Variants in ANKS1B observed in about 807,000 individuals in gnomAD.
ANKS1B encodes ankyrin repeat and sterile alpha motif domain containing 1B, also known as ankyrin repeat and sterile alpha motif domain-containing protein 1B.
ANKS1B carries 36 observed loss-of-function variants against 148.3 expected under a neutral mutation model. The ratio of observed to expected loss-of-function variants is 0.24; its 90% confidence interval spans 0.19 to 0.32. The LOEUF (loss-of-function observed/expected upper bound fraction) is 0.32. Among genes scored for constraint, ANKS1B ranks in the 10% least tolerant of loss-of-function variants. The probability of loss-of-function intolerance (pLI) is 1.00; values close to 1 mark genes in which losing one functional copy is unlikely to be tolerated. For missense variants in ANKS1B, 1,157 were observed against 1,542.6 expected (o/e 0.75, Z 4.19); for synonymous variants, 542 against 560.8 (o/e 0.97, Z 0.47).
At chr12:99,686,762 C>T (rs567435663) in intron 8 of ANKS1B, among the ~76,000 whole-genome samples, 1 of 152,136 alleles carries the variant, frequency 6.6e-6, no homozygotes, top group Non-Finnish European at 1.5e-5. Flanking sequence ...TTCATTTCCT[C>T]CTATCATTTT....
intron 17 of ANKS1B, among the ~76,000 whole-genome samples, chr12:98,936,878 AAGG>A: frequency 6.6e-6 from 1 of 152,342 alleles, no homozygotes; most frequent in East Asian, 1.9e-4. Flanking sequence ...GAATTGTGAT[AAGG>A]AGTATAACTC....
At chr12:99,638,514 G>A (rs1332575238) in intron 9 of ANKS1B, among the ~76,000 whole-genome samples, 1 of 152,180 alleles carries the variant, frequency 6.6e-6, no homozygotes, top group Admixed American at 6.5e-5. Flanking sequence ...AACTTTGAAT[G>A]TGAGAGAGAT....
intron 10 of ANKS1B, among the ~76,000 whole-genome samples, chr12:99,471,691 C>T (rs1448586994): frequency 6.6e-6 from 1 of 151,746 alleles, no homozygotes; most frequent in Admixed American, 6.6e-5. Flanking sequence ...CTTTAAAGTG[C>T]TTTGAAGTGT....
intron 14 of ANKS1B, among the ~76,000 whole-genome samples, chr12:99,161,379 A>G (rs923110674): frequency 6.6e-6 from 1 of 152,152 alleles, no homozygotes; most frequent in Non-Finnish European, 1.5e-5. Flanking sequence ...ACAATTAAAA[A>G]GTAGCCAGAG....
intron 17 of ANKS1B, among the ~76,000 whole-genome samples, chr12:98,934,489 C>A (rs1197857653): frequency 6.6e-6 from 1 of 151,890 alleles, no homozygotes; most frequent in Non-Finnish European, 1.5e-5. Flanking sequence ...AGCATTTTGT[C>A]TATTTATGTA....
chr12:99,171,747 A>G (rs2077784228), intron 14 of ANKS1B, among the ~76,000 whole-genome samples: 1 of 152,140 alleles, frequency 6.6e-6, no homozygotes, highest in African/African-American at 2.4e-5. Flanking sequence ...AAAAATAGTA[A>G]TTCCGTTGAT....
At chr12:99,379,030 G>A (rs897361393) in intron 12 of ANKS1B, among the ~76,000 whole-genome samples, 7 of 152,164 alleles carry the variant, frequency 4.6e-5, no homozygotes, top group African/African-American at 1.7e-4. Context: ...ATGGATATGT[G>A]GGAGGCACCA....
At chr12:99,291,618 A>C (rs2079995476) in intron 12 of ANKS1B, among the ~76,000 whole-genome samples, 2 of 152,172 alleles carry the variant, frequency 1.3e-5, no homozygotes, top group Admixed American at 1.3e-4. Context: ...TTTTTGACAA[A>C]AGTGCCAAGA....
intron 12 of ANKS1B, among the ~76,000 whole-genome samples, chr12:99,302,167 G>T (rs1285752126): frequency 6.6e-6 from 1 of 152,056 alleles, no homozygotes; most frequent in African/African-American, 2.4e-5. Context: ...CATATGAAAA[G>T]ATTTTTTACA....
At chr12:99,355,308 T>C (rs75348455) in intron 12 of ANKS1B, among the ~76,000 whole-genome samples, 2,582 of 152,192 alleles carry the variant, frequency 0.017, 80 homozygotes, top group African/African-American at 0.059. Context: ...TTCCTTGGCT[T>C]TGATGCTAAT....
intron 14 of ANKS1B, among the ~76,000 whole-genome samples, chr12:99,181,974 C>T (rs902975241): frequency 1.3e-5 from 2 of 152,090 alleles, no homozygotes; most frequent in African/African-American, 4.8e-5. Context: ...CTACCCTTCC[C>T]AGCTTCTGGT....
intron 1 of ANKS1B, among the ~76,000 whole-genome samples, chr12:99,831,070 G>A (rs755444402): frequency 6.6e-6 from 1 of 151,946 alleles, no homozygotes; most frequent in Admixed American, 6.6e-5. Flanking sequence ...TATGCTTACT[G>A]TCTGTCTCCC....
At chr12:99,875,477 C>T (rs755648843) in intron 1 of ANKS1B, among the ~76,000 whole-genome samples, 10 of 151,808 alleles carry the variant, frequency 6.6e-5, no homozygotes, top group Non-Finnish European at 1.2e-4. Flanking sequence ...CTCTTGTACA[C>T]TAAGTTGCTG....
intron 3 of ANKS1B, 57 bp downstream of exon 3, chr12:99,812,098 G>C (rs1258558846): frequency 1.3e-6 from 2 of 1,561,024 alleles, no homozygotes; most frequent in African/African-American, 1.4e-5. Context: ...TTTCAATATG[G>C]CTTTGCCTTG....
chr12:99,375,540 T>A lies in ANKS1B; in HGVS notation c.1756+24091A>T, dbSNP rs372044695. ...CTATAGTAAAAACTCAACAAAGTAATCATTGTTAGTAATAGTATCATAATT... is the reference window on the plus strand; with the variant it reads ...CTATAGTAAAAACTCAACAAAGTAAACATTGTTAGTAATAGTATCATAATT... On this transcript the variant is annotated intron_variant, in intron 12 of 26. Transcript: ENST00000683438. 4.6e-5 allele frequency among the ~76,000 whole-genome samples: 7 copies of A among 152,338 alleles called. No individual in the cohort carries two copies. The East Asian group carries it at 1.2e-3, about 25-fold the overall frequency.
intron 8 of ANKS1B, among the ~76,000 whole-genome samples, chr12:99,722,720 G>T (rs1367036122): frequency 6.6e-6 from 1 of 152,138 alleles, no homozygotes; most frequent in Admixed American, 6.5e-5. Flanking sequence ...AGAAATACAG[G>T]GTGGGACCAA....
intron 7 of ANKS1B, 45 bp downstream of exon 7, chr12:99,775,503 T>TA: frequency 7.4e-7 from 1 of 1,344,750 alleles, no homozygotes; most frequent in Non-Finnish European, 1.1e-6. Context: ...CAACTGTACA[T>TA]ACAAGTCTAG....
intron 15 of ANKS1B, among the ~76,000 whole-genome samples, chr12:99,128,470 T>C (rs978619262): frequency 6.6e-6 from 1 of 152,110 alleles, no homozygotes; most frequent in Admixed American, 6.6e-5. Context: ...CTCTAAGAGT[T>C]CATTATTTCC....
intron 8 of ANKS1B, among the ~76,000 whole-genome samples, chr12:99,739,536 C>G (rs934433581): frequency 1.3e-5 from 2 of 152,072 alleles, no homozygotes; most frequent in South Asian, 2.1e-4. Flanking sequence ...TAATGACAGG[C>G]CTTCGTAGAA....
Sources: gnomAD v4.1 joint callset for allele counts (sites outside exome capture counted in the v4.1 genomes callset) on GRCh38, gnomAD v4.1.1 for gene constraint, MANE v1.5 for transcripts, NCBI Gene and HGNC (gene_info 2026-07-23, HGNC 2026-07-21) for gene names.